Variants in KCNMA1 observed in about 807,000 individuals in gnomAD.
KCNMA1 encodes Calcium-activated potassium channel subunit alpha-1.
Under a neutral mutation model 140.0 loss-of-function variants are expected in KCNMA1, and 29 were observed. That is an observed-to-expected ratio of 0.21 (90% CI 0.15 to 0.28). The LOEUF (loss-of-function observed/expected upper bound fraction) is 0.28. Ranked by LOEUF, KCNMA1 falls within the 10% of genes least tolerant of loss-of-function variation. KCNMA1 has a pLI of 1.00. For missense variants in KCNMA1, 880 were observed against 1,602.2 expected (o/e 0.55, Z 7.70); for synonymous variants, 612 against 611.9 (o/e 1.00, Z 0.00).
intron 1 of KCNMA1, among the ~76,000 whole-genome samples, chr10:77,526,865 C>T (rs2055920831): frequency 6.6e-6 from 1 of 151,814 alleles, no homozygotes; most frequent in Admixed American, 6.6e-5. Flanking sequence ...TCCCATCCTC[C>T]CTCTCCATAT....
At chr10:77,116,785 T>TA (rs926910074) in intron 6 of KCNMA1, among the ~76,000 whole-genome samples, 2 of 152,154 alleles carry the variant, frequency 1.3e-5, no homozygotes, top group Admixed American at 6.5e-5. Flanking sequence ...TAATTGGTCT[T>TA]ATGGTCTATG....
At chr10:77,583,878 C>T (rs1289316983) in intron 1 of KCNMA1, among the ~76,000 whole-genome samples, 2 of 152,164 alleles carry the variant, frequency 1.3e-5, no homozygotes, top group South Asian at 2.1e-4. Flanking sequence ...GAAGGAAATA[C>T]AAGGAAATGC....
At chr10:77,604,013 A>G (rs754639675) in intron 1 of KCNMA1, among the ~76,000 whole-genome samples, 2 of 152,390 alleles carry the variant, frequency 1.3e-5, no homozygotes, top group Non-Finnish European at 2.9e-5. Flanking sequence ...GATAAAGGCC[A>G]GATATTACTG....
At chr10:77,029,255 T>C (rs1471115882) in intron 15 of KCNMA1, among the ~76,000 whole-genome samples, 1 of 152,250 alleles carries the variant, frequency 6.6e-6, no homozygotes, top group Non-Finnish European at 1.5e-5. Flanking sequence ...ATTGATTAAC[T>C]GATAGACTGA....
chr10:77,481,609 C>G lies in KCNMA1; in HGVS notation c.379-77586G>C, dbSNP rs556568531. ...TGAACACAGTGAAAGCCCATCTCTA[C>G]TAAAAATATAGAAAAATTAGCTGGG... On this transcript the variant is annotated intron_variant, in intron 1 of 27. Transcript: ENST00000286628. Among the ~76,000 whole-genome samples the G allele has an allele frequency of 3.5e-3, 534 of 151,920 alleles. 2 individuals are homozygous for G. Among genetic ancestry groups the G allele is most frequent in the Middle Eastern group, 6.8e-3 (2 of 292 alleles).
intron 1 of KCNMA1, among the ~76,000 whole-genome samples, chr10:77,545,591 A>T (rs1034827251): frequency 6.6e-6 from 1 of 152,204 alleles, no homozygotes; most frequent in Non-Finnish European, 1.5e-5. Context: ...AGGAGCCACA[A>T]GGCAGTGGGG....
rs80268352 is a variant in KCNMA1, at chr10:77,372,443, C to T, written c.540+31419G>A. Among the ~76,000 whole-genome samples, 1,121 of 152,300 alleles carry T rather than the reference C, an allele frequency of 7.4e-3. 15 individuals are homozygous for T. The highest frequency in any genetic ancestry group is 0.025 in the African/African-American group (1,049 of 41,552). On this transcript the variant is annotated intron_variant, in intron 2 of 27. Coordinates refer to ENST00000286628, the MANE Select transcript of KCNMA1 (RefSeq NM_001161352.2). Reference sequence around the variant, plus strand: ...CTGACCATGCCCTTCTCCCTTTTCACCAACAGATCTACGGGTCTTGGAAAT... The same window carrying T: ...CTGACCATGCCCTTCTCCCTTTTCATCAACAGATCTACGGGTCTTGGAAAT...
chr10:76,926,319 G>C (rs2057679358), intron 23 of KCNMA1, among the ~76,000 whole-genome samples: 1 of 152,086 alleles, frequency 6.6e-6, no homozygotes, highest in Non-Finnish European at 1.5e-5. Context: ...GTGATCTGGG[G>C]CAATTTATTT....
intron 2 of KCNMA1, among the ~76,000 whole-genome samples, chr10:77,310,057 G>T (rs1394318538): frequency 2.0e-5 from 3 of 152,170 alleles, no homozygotes. Context: ...ATTTTCATGG[G>T]TTGGGAGGAT....
intron 21 of KCNMA1, among the ~76,000 whole-genome samples, chr10:76,949,826 G>C (rs1266014090): frequency 6.6e-6 from 1 of 152,136 alleles, no homozygotes; most frequent in African/African-American, 2.4e-5. Context: ...TGGGCTCAGT[G>C]GGAGAAATTT....
chr10:77,089,723 C>T (rs948051502), intron 10 of KCNMA1, among the ~76,000 whole-genome samples: 13 of 152,138 alleles, frequency 8.5e-5, no homozygotes, highest in African/African-American at 3.1e-4. Flanking sequence ...CATCACAGCC[C>T]AACTAGGTAG....
intron 14 of KCNMA1, among the ~76,000 whole-genome samples, chr10:77,060,924 T>C (rs2095718053): frequency 6.6e-6 from 1 of 152,080 alleles, no homozygotes; most frequent in South Asian, 2.1e-4. Flanking sequence ...GATTCTCCTC[T>C]AGAGCCCCCA....
chr10:77,174,052 G>C (rs1343115464), intron 5 of KCNMA1, among the ~76,000 whole-genome samples: 2 of 152,102 alleles, frequency 1.3e-5, no homozygotes, highest in Non-Finnish European at 1.5e-5. Context: ...CAAATTGCAG[G>C]ACCAGCCTCT....
At chr10:77,535,295 G>A (rs535728683) in intron 1 of KCNMA1, among the ~76,000 whole-genome samples, 16 of 152,162 alleles carry the variant, frequency 1.1e-4, no homozygotes, top group Non-Finnish European at 1.8e-4. Context: ...ATCAGATTTG[G>A]TCCAAGAAGT....
chr10:77,300,752 C>A (rs1474889757), intron 2 of KCNMA1, among the ~76,000 whole-genome samples: 1 of 152,198 alleles, frequency 6.6e-6, no homozygotes, highest in Non-Finnish European at 1.5e-5. Context: ...TCTACCAGCA[C>A]CCCTGGGGAT....
At chr10:77,384,701 G>C (rs1351167699) in intron 2 of KCNMA1, among the ~76,000 whole-genome samples, 1 of 152,224 alleles carries the variant, frequency 6.6e-6, no homozygotes, top group Non-Finnish European at 1.5e-5. Context: ...CACCACCATA[G>C]TGAATGCTCG....
intron 5 of KCNMA1, chr10:77,149,823 ATC>A (rs2154051493): frequency 6.6e-6 from 1 of 152,260 alleles, no homozygotes; most frequent in African/African-American, 2.4e-5. Context: ...GGACACTGAA[ATC>A]TCCATCTTTT....
chr10:77,046,405 A>G lies in KCNMA1; in HGVS notation c.1750-6768T>C, dbSNP rs182851036. 2.0e-3 allele frequency among the ~76,000 whole-genome samples: 300 copies of G among 152,262 alleles called. 1 individual carries two copies. Among genetic ancestry groups the G allele is most frequent in the Admixed American group, 5.6e-3 (86 of 15,294 alleles). On this transcript the variant is annotated intron_variant, in intron 14 of 27. Coordinates refer to ENST00000286628, the MANE Select transcript of KCNMA1 (RefSeq NM_001161352.2). ...CACACCCCCCAAGAAAACCCCACAA[A>G]ATGTGTCAAGTCCTTGCCTACAATA...
At chr10:77,578,046 AG>A (rs1475291561) in intron 1 of KCNMA1, among the ~76,000 whole-genome samples, 2 of 152,254 alleles carry the variant, frequency 1.3e-5, no homozygotes, top group African/African-American at 4.8e-5. Flanking sequence ...GTGGGATTAG[AG>A]GCCAGCAGCT....
Sources: allele counts gnomAD v4.1 joint callset (sites outside exome capture counted in the v4.1 genomes callset), GRCh38; gene constraint gnomAD v4.1.1; transcripts MANE v1.5; gene names NCBI Gene and HGNC (gene_info 2026-07-23, HGNC 2026-07-21).